Variants in DNAH8 observed in about 807,000 individuals in gnomAD.
DNAH8 encodes axonemal beta dynein heavy chain 8.
DNAH8 carries 382 observed loss-of-function variants against 562.1 expected under a neutral mutation model. The ratio of observed to expected loss-of-function variants is 0.68; its 90% CI spans 0.63 to 0.74. The LOEUF is 0.74. DNAH8 is among the 30% of genes least tolerant of loss of function. The probability of loss-of-function intolerance (pLI) is 0.00; values close to 1 mark genes in which losing one functional copy is unlikely to be tolerated. For missense variants in DNAH8, 5,203 were observed against 5,620.4 expected (o/e 0.93, Z 2.37); for synonymous variants, 1,881 against 1,919.4 (o/e 0.98, Z 0.52).
At chr6:38,898,417 G>A in intron 61 of DNAH8, 37 bp downstream of exon 61, 1 of 1,483,634 alleles carries the variant, frequency 6.7e-7, no homozygotes, top group Non-Finnish European at 8.9e-7. Flanking sequence ...ATAAATAGAT[G>A]ATTTAAAAGC....
rs66765653 is a variant in DNAH8 at position 38,914,392 on chromosome 6, CTTTTTTTTTTTTTTT to C, written c.9963+452_9963+466del. On this transcript the variant is annotated intron_variant, in intron 67 of 92. Transcript: ENST00000327475. ...GGTATATATGTGTGCTGCTTTTTCT[CTTTTTTTTTTTTTTT>C]TTTTTTTTTTTGAGACAGAGTCTTG... is the stretch of plus-strand genomic sequence containing the variant. Among the ~76,000 whole-genome samples the C allele has an allele frequency of 6.3e-5, 4 of 63,990 alleles. No homozygotes were observed. In the South Asian group the frequency reaches 2.4e-3, roughly 38 times the overall value. 42.0% of individuals were successfully genotyped at this position (63,990 alleles called of 152,430 possible).
At chr6:38,819,490 A>G (rs956384813) in intron 26 of DNAH8, among the ~76,000 whole-genome samples, 2 of 152,190 alleles carry the variant, frequency 1.3e-5, no homozygotes, top group African/African-American at 4.8e-5. Context: ...CCACACATAG[A>G]CTTAAATACA....
intron 11 of DNAH8, among the ~76,000 whole-genome samples, chr6:38,767,607 G>A (rs755025550): frequency 4.6e-5 from 7 of 152,074 alleles, no homozygotes; most frequent in Non-Finnish European, 8.8e-5. Flanking sequence ...TTTCATCTAC[G>A]TTCTAGCATG....
intron 12 of DNAH8, among the ~76,000 whole-genome samples, chr6:38,771,830 G>GAATA (rs1221787617): frequency 6.6e-6 from 1 of 152,048 alleles, no homozygotes; most frequent in Non-Finnish European, 1.5e-5. Flanking sequence ...TGGCTATTAT[G>GAATA]AATAATGTTG....
chr6:38,781,455 G>T, intron 16 of DNAH8, 82 bp downstream of exon 16: 1 of 1,471,228 alleles, frequency 6.8e-7, no homozygotes, highest in Non-Finnish European at 9.2e-7. Flanking sequence ...ATATTTGTGT[G>T]CATTAAAGTA....
intron 88 of DNAH8, among the ~76,000 whole-genome samples, chr6:38,993,136 T>C (rs1241756751): frequency 6.6e-6 from 1 of 152,204 alleles, no homozygotes; most frequent in Non-Finnish European, 1.5e-5. Flanking sequence ...GGGTTGTTCT[T>C]TGTCTTCCCC....
chr6:38,955,806 G>T (rs900838527), intron 82 of DNAH8, among the ~76,000 whole-genome samples: 2 of 152,132 alleles, frequency 1.3e-5, no homozygotes, highest in African/African-American at 4.8e-5. Context: ...GGAACCTCGG[G>T]ATATAGGTAG....
At position 38,971,596 on chromosome 6, in the gene DNAH8, T is replaced by C; in HGVS notation, c.12456T>C (p.Cys4152=). The C allele has an allele frequency of 6.3e-7, 1 of 1,578,908 alleles. No individual in the cohort carries two copies. The highest frequency in any genetic ancestry group is 8.6e-7 in the Non-Finnish European group (1 of 1,164,136). Residue 4152 remains cysteine, a synonymous_variant, in exon 83 of 93, where the codon TGT becomes TGC. Transcript: ENST00000327475. The part of the protein sequence containing the change: ...DALAKKLKLE[C]RTISMGQGQE... ...GAACTTTCTCCTATGTTACAGAATG[T>C]AGAACTATCTCAATGGGGCAAGGAC... is the stretch of plus-strand genomic sequence containing the variant.
rs779998983 is a variant in DNAH8, at chr6:38,870,494, G to T, written c.6922G>T (p.Ala2308Ser). Reference sequence around the variant, plus strand: ...TAATACTTATGCAGAACTGCAAAACGCAGTAGCCCATCAGGTTCAGATAGA... The same window carrying T: ...TAATACTTATGCAGAACTGCAAAACTCAGTAGCCCATCAGGTTCAGATAGA... ...DSNTYAELQN[A>S]VAHQVQIEGL... Residue 2308 changes from alanine to serine, a missense_variant, in exon 49 of 93, where the codon GCA becomes TCA. By Grantham distance (99) the Ala-to-Ser change is moderately conservative (BLOSUM62 1). Around this residue, in one of 6 missense-constraint regions of DNAH8, gnomAD observed 2,176 missense variants for 2,365.1 expected, o/e 0.92. Coordinates refer to ENST00000327475, the MANE Select transcript of DNAH8 (RefSeq NM_001206927.2). The T allele has an allele frequency of 6.2e-7, 1 of 1,614,062 alleles. No homozygotes were observed. The highest frequency in any genetic ancestry group is 1.1e-5 in the South Asian group (1 of 91,072).
intron 52 of DNAH8, among the ~76,000 whole-genome samples, chr6:38,873,727 TACACACACACACACACAC>T (rs762717515): frequency 6.2e-5 from 6 of 96,484 alleles, no homozygotes; most frequent in South Asian, 4.7e-4. Context: ...CACATACACC[TACACACACACACACACAC>T]ACACACACAC....
intron 23 of DNAH8, among the ~76,000 whole-genome samples, chr6:38,805,930 G>A (rs1014519100): frequency 2.0e-5 from 3 of 152,208 alleles, no homozygotes; most frequent in Admixed American, 6.5e-5. Flanking sequence ...GTTCTCAGTT[G>A]TTGTGTTTAA....
intron 13 of DNAH8, among the ~76,000 whole-genome samples, chr6:38,777,853 A>G (rs1421216183): frequency 1.3e-5 from 2 of 152,164 alleles, no homozygotes; most frequent in Non-Finnish European, 2.9e-5. Context: ...CTATAGCGTC[A>G]CTACACTACT....
At chr6:38,838,626 C>G (rs1296722772) in intron 33 of DNAH8, among the ~76,000 whole-genome samples, 1 of 150,684 alleles carries the variant, frequency 6.6e-6, no homozygotes, top group Non-Finnish European at 1.5e-5. Flanking sequence ...GTCTCGATCT[C>G]CTGACCTCGT....
chr6:38,717,895 C>T (rs1762463799), intron 1 of DNAH8, among the ~76,000 whole-genome samples: 1 of 152,102 alleles, frequency 6.6e-6, no homozygotes, highest in Non-Finnish European at 1.5e-5. Context: ...AAAAATGCTG[C>T]ATATTAAACC....
At chr6:38,817,863 G>A (rs1678699) in intron 26 of DNAH8, among the ~76,000 whole-genome samples, 75,094 of 151,966 alleles carry the variant, frequency 0.49, 19,536 homozygotes, top group East Asian at 0.7. Flanking sequence ...GGCTGATCAT[G>A]ATCTTGAAAG....
chr6:39,026,716 A>AATTTCAAGTTCTGCTTT lies in DNAH8; in HGVS notation c.13836+65_13836+66insTATTTCAAGTTCTGCTT, dbSNP rs747483621. The AATTTCAAGTTCTGCTTT allele has an allele frequency of 2.5e-6, 4 of 1,598,558 alleles. No individual in the cohort carries two copies. In the East Asian group the frequency reaches 8.9e-5, roughly 36 times the overall value. On this transcript the variant is annotated intron_variant, in intron 92 of 92. Transcript: ENST00000327475. Reference sequence around the variant, plus strand: ...GGGACCATTCTGGAGCCAGAGCTGAAATTTCAAGTTCTGCTTAAAACTGAG... The same window carrying AATTTCAAGTTCTGCTTT: ...GGGACCATTCTGGAGCCAGAGCTGAAATTTCAAGTTCTGCTTTATTTCAAGTTCTGCTTAAAACTGAG...
intron 12 of DNAH8, 141 bp from the exon 13 acceptor site, chr6:38,775,613 T>C (rs544468454): frequency 1.7e-6 from 1 of 576,828 alleles, no homozygotes; most frequent in African/African-American, 1.9e-5. Flanking sequence ...CTGTTTTATC[T>C]CCTCTGGTTG....
chr6:38,979,426 C>T (rs74449274), intron 85 of DNAH8, among the ~76,000 whole-genome samples: 6,195 of 152,212 alleles, frequency 0.041, 275 homozygotes, highest in African/African-American at 0.1. Context: ...ATAAGTCCAG[C>T]AAAACCCCTT....
intron 10 of DNAH8, among the ~76,000 whole-genome samples, chr6:38,760,938 G>C (rs72849126): frequency 0.12 from 18,441 of 151,814 alleles, 1,346 homozygotes; most frequent in Admixed American, 0.21. Context: ...GGTATTCCTT[G>C]ATAGCAATGT....
Sources: gnomAD v4.1 joint callset for allele counts (sites outside exome capture counted in the v4.1 genomes callset) on GRCh38, gnomAD v4.1.1 for gene constraint, gnomAD v4.1.1 regional missense constraint, MANE v1.5 for transcripts, NCBI Gene and HGNC (gene_info 2026-07-23, HGNC 2026-07-21) for gene names.